RASD2: variants seen among roughly 807,000 people sequenced by gnomAD.
RASD2 encodes the protein RASD family member 2.
A neutral mutation model predicts 15.8 loss-of-function variants in RASD2; 7 were observed. The ratio of observed to expected loss-of-function variants is 0.44; its 90% CI spans 0.25 to 0.83. RASD2 has a LOEUF of 0.83. Among genes scored for constraint, RASD2 ranks in the 40% least tolerant of loss-of-function variants. RASD2 has a pLI of 0.20. For missense variants in RASD2, 274 were observed against 382.8 expected, an observed-to-expected ratio of 0.72 and a Z score of 2.37; for synonymous variants, 155 against 153.6, an observed-to-expected ratio of 1.01 and a Z score of -0.07.
At chr22:35,537,915 T>TAGGATA (rs1400552617), upstream of RASD2, among the ~76,000 whole-genome samples, 3 of 151,608 alleles carry the variant, frequency 2.0e-5, no homozygotes, top group Non-Finnish European at 2.9e-5. Flanking sequence ...CCTTGTTCGC[T>TAGGATA]AGGATAAGGA....
rs909747260 is a variant in RASD2, at chr22:35,547,140, C to G, written c.271+60C>G. The G allele has an allele frequency of 1.8e-5, 27 of 1,531,492 alleles. 1 individual carries two copies. In the Admixed American group the frequency reaches 3.4e-4, roughly 19 times the overall value. The allele number at this position is 1,531,492 out of a possible 1,614,324, so 94.9% of individuals were successfully genotyped here. A position where few individuals can be genotyped will look rare whatever the true frequency, so the allele number is the denominator to read the frequency against. The stretch of plus-strand genomic sequence containing the variant: ...GGCCAGGGCATGGGTGCGGAGTGTG[C>G]TGGGCACTTGGCAGTTTGCATAGAC... On this transcript the variant is annotated intron_variant, in intron 2 of 2. Transcript: ENST00000216127.
chr22:35,533,248 G>A, the RASD2 span, among the ~76,000 whole-genome samples: 35 of 152,320 alleles, frequency 2.3e-4, no homozygotes, highest in African/African-American at 7.2e-4. Context: ...ATAATAGTTT[G>A]CTCTGCGTGT....
chr22:35,541,563 A>G (rs1406492523), intron 1 of RASD2, 63 bp downstream of exon 1: 1 of 152,264 alleles, frequency 6.6e-6, no homozygotes, highest in East Asian at 1.9e-4. Context: ...AAGAAAGGGT[A>G]GAGGCTTGGA....
chr22:35,552,237 G>C lies in RASD2; in HGVS notation c.*205G>C. ...GAGTCCGCTTGTCCACAGCTCCTTGGTGGTTTCATCTCCTCTGTGGGAGGA... is the reference window on the plus strand; with the variant it reads ...GAGTCCGCTTGTCCACAGCTCCTTGCTGGTTTCATCTCCTCTGTGGGAGGA... On this transcript the variant is annotated 3_prime_UTR_variant, in exon 3 of 3. Coordinates refer to ENST00000216127, the MANE Select transcript of RASD2 (RefSeq NM_014310.4). 1 of 650,906 alleles carries C rather than the reference G, an allele frequency of 1.5e-6. No homozygotes were observed. The highest frequency in any genetic ancestry group is 2.0e-5 in the South Asian group (1 of 49,256). 40.3% of individuals were successfully genotyped at this position (650,906 alleles called of 1,614,324 possible). A position where few individuals can be genotyped will look rare whatever the true frequency, so the allele number is the denominator to read the frequency against.
chr22:35,533,254 C>A, the RASD2 span, among the ~76,000 whole-genome samples: 1 of 152,216 alleles, frequency 6.6e-6, no homozygotes, highest in Admixed American at 6.5e-5. Flanking sequence ...GTTTGCTCTG[C>A]GTGTTTCCCA....
chr22:35,537,559 G>T (rs771519144), upstream of RASD2, among the ~76,000 whole-genome samples: 4 of 152,170 alleles, frequency 2.6e-5, no homozygotes, highest in Non-Finnish European at 4.4e-5. Flanking sequence ...AGCTACTATT[G>T]TAACACCCAC....
chr22:35,550,440 CAAAAAAAAAAAA>C (rs397838574), intron 2 of RASD2, among the ~76,000 whole-genome samples: 1 of 64,250 alleles, frequency 1.6e-5, no homozygotes, highest in Non-Finnish European at 2.8e-5. Context: ...GACTCCATCT[CAAAAAAAAAAAA>C]AAAAAAAAAA....
chr22:35,535,166 G>A, the RASD2 span, among the ~76,000 whole-genome samples: 1 of 152,190 alleles, frequency 6.6e-6, no homozygotes, highest in African/African-American at 2.4e-5. Flanking sequence ...CACATTGGGA[G>A]GCAGAGGCAG....
intron 2 of RASD2, among the ~76,000 whole-genome samples, chr22:35,548,023 T>C (rs1198597697): frequency 1.3e-5 from 2 of 152,192 alleles, no homozygotes; most frequent in Non-Finnish European, 2.9e-5. Flanking sequence ...GTAGCACAGC[T>C]CGTAAAGGCA....
chr22:35,545,786 AGG>A (rs1934485088), intron 1 of RASD2, among the ~76,000 whole-genome samples: 1 of 151,060 alleles, frequency 6.6e-6, no homozygotes, highest in South Asian at 2.1e-4. Flanking sequence ...CAAACTGACG[AGG>A]GTGACTGGGG....
At chr22:35,545,632 A>G (rs1391265346) in intron 1 of RASD2, among the ~76,000 whole-genome samples, 1 of 152,042 alleles carries the variant, frequency 6.6e-6, no homozygotes, top group African/African-American at 2.4e-5. Flanking sequence ...TGGAGAGGGG[A>G]GGGATTCCTG....
At chr22:35,533,735 G>T in the RASD2 span, among the ~76,000 whole-genome samples, 1 of 150,648 alleles carries the variant, frequency 6.6e-6, no homozygotes, top group East Asian at 1.9e-4. Context: ...TGATGATAGT[G>T]ATGATGGGGA....
At chr22:35,546,381 GA>G (rs1468587601) in intron 1 of RASD2, among the ~76,000 whole-genome samples, 1 of 152,212 alleles carries the variant, frequency 6.6e-6, no homozygotes, top group Non-Finnish European at 1.5e-5. Flanking sequence ...ACCAGGGAAA[GA>G]ACGGATTCTC....
chr22:35,535,240 C>T, the RASD2 span, among the ~76,000 whole-genome samples: 1 of 151,632 alleles, frequency 6.6e-6, no homozygotes, highest in Non-Finnish European at 1.5e-5. Flanking sequence ...CCTGTCTCTA[C>T]AAAAAATTTA....
rs1364423664 is a variant in RASD2 at position 35,552,084 on chromosome 22, A to C, written c.*52A>C. 4.5e-6 allele frequency: 7 copies of C among 1,549,044 alleles called. No homozygotes were observed. Among genetic ancestry groups the C allele is most frequent in the Non-Finnish European group, 6.1e-6 (7 of 1,148,716 alleles). The stretch of plus-strand genomic sequence containing the variant: ...CCAGTGCCTTCAGGGAGGTGGCCCC[A>C]GATGCCCACTGTGCGCATCTCCCCA... On this transcript the variant is annotated 3_prime_UTR_variant, in exon 3 of 3. Transcript: ENST00000216127.
intron 1 of RASD2, among the ~76,000 whole-genome samples, chr22:35,542,281 C>T (rs1270897602): frequency 6.6e-6 from 1 of 152,232 alleles, no homozygotes; most frequent in Non-Finnish European, 1.5e-5. Flanking sequence ...CACCAGGCTG[C>T]TCTAGGCAGC....
At chr22:35,547,202 C>A (rs1934529696) in intron 2 of RASD2, 122 bp downstream of exon 2, 4 of 1,246,030 alleles carry the variant, frequency 3.2e-6, no homozygotes, top group Non-Finnish European at 4.4e-6. Context: ...GTCATCCCTG[C>A]ACAATGAGGC....
At position 35,553,300 on chromosome 22, in the gene RASD2, G is replaced by A. The variant is rs1360175311; in HGVS notation, c.*1268G>A. The A allele has an allele frequency of 1.3e-5, 2 of 152,522 alleles. No homozygotes were observed. The highest frequency in any genetic ancestry group is 3.9e-4 in the East Asian group (2 of 5,178). The allele number at this position is 152,522 out of a possible 1,614,324, so 9.4% of individuals were successfully genotyped here. ...AGCCTGGGAGGGATCCGACAGAAAA[G>A]CTCAGGGCGGGTCTTCTCCTTGTGC... On this transcript the variant is annotated 3_prime_UTR_variant, in exon 3 of 3. Transcript: ENST00000216127.
intron 1 of RASD2, among the ~76,000 whole-genome samples, chr22:35,543,653 G>C (rs1379389086): frequency 2.0e-5 from 3 of 152,232 alleles, no homozygotes; most frequent in Admixed American, 2.0e-4. Flanking sequence ...CAGGTGTCCA[G>C]ATGTCTCACA....
Sources: allele counts gnomAD v4.1 joint callset (sites outside exome capture counted in the v4.1 genomes callset), GRCh38; gene constraint gnomAD v4.1.1; transcripts MANE v1.5; gene names NCBI Gene and HGNC (gene_info 2026-07-23, HGNC 2026-07-21).